CEP192: variants seen among roughly 807,000 people sequenced by gnomAD.
The protein encoded by CEP192 is centrosomal protein 192.
A neutral mutation model predicts 271.8 loss-of-function variants in CEP192; 151 were observed. That is an observed-to-expected ratio of 0.56 (90% CI 0.49 to 0.64). The LOEUF is 0.64. Ranked by LOEUF, CEP192 falls within the 30% of genes least tolerant of loss-of-function variation. The probability of loss-of-function intolerance (pLI) is 0.00; values close to 1 mark genes in which losing one functional copy is unlikely to be tolerated. For synonymous variants in CEP192, 995 were observed against 1,076.5 expected (o/e 0.92, Z 1.48); for missense variants, 2,910 against 3,020.5 (o/e 0.96, Z 0.86).
chr18:13,105,639 T>G (rs2039912966), intron 40 of CEP192, among the ~76,000 whole-genome samples: 1 of 152,232 alleles, frequency 6.6e-6, no homozygotes, highest in African/African-American at 2.4e-5. Context: ...AGCTGTGAAC[T>G]CAGAACTGAC....
chr18:13,098,096 T>G (rs1057207338), intron 36 of CEP192, among the ~76,000 whole-genome samples: 6 of 151,920 alleles, frequency 3.9e-5, no homozygotes, highest in Admixed American at 2.0e-4. Flanking sequence ...TCCCCACCTT[T>G]CCCCCTTTTC....
intron 4 of CEP192, among the ~76,000 whole-genome samples, chr18:13,012,261 A>G (rs1162206232): frequency 1.2e-4 from 18 of 152,228 alleles, no homozygotes; most frequent in Admixed American, 1.2e-3. Flanking sequence ...ACTGAACTGT[A>G]TACCTTAAAA....
Position 13,092,600 on chromosome 18 carries a change from C to T in CEP192, c.6254+73C>T. On this transcript the variant is annotated intron_variant, in intron 34 of 44. Coordinates refer to ENST00000506447, the MANE Select transcript of CEP192 (RefSeq NM_032142.4). ...ATTCATAGCAAAGCTGATCTTTTTT[C>T]CTGTACTTCACTATTATTATTATTT... 15 of 1,058,276 alleles carry T rather than the reference C, an allele frequency of 1.4e-5. No individual in the cohort carries two copies. The South Asian group carries it at 2.2e-4, about 16-fold the overall frequency. 65.6% of individuals were successfully genotyped at this position (1,058,276 alleles called of 1,614,324 possible). A position where few individuals can be genotyped will look rare whatever the true frequency, so the allele number is the denominator to read the frequency against.
At chr18:13,038,274 A>C in intron 12 of CEP192, 96 bp from the exon 13 acceptor site, 4 of 1,044,748 alleles carry the variant, frequency 3.8e-6, no homozygotes, top group Non-Finnish European at 5.5e-6. Context: ...TTACTTTTTA[A>C]ATTTTCTTGG....
chr18:13,042,243 G>T lies in CEP192; in HGVS notation c.1976G>T (p.Gly659Val), dbSNP rs752475527. 6.2e-7 allele frequency: 1 copy of T among 1,612,340 alleles called. No homozygotes were observed. Among genetic ancestry groups the T allele is most frequent in the South Asian group, 1.1e-5 (1 of 91,044 alleles). ...CAGTCCCAGGCACAGCTAAGTGAAG[G>T]ATCAATTACACTTCAGGTTGAAGCA... ...NEQSQAQLSE[G>V]SITLQVEAVE... is the part of the protein sequence containing the mutation. The change falls in exon 15 of 45, where the codon GGA (glycine) becomes GTA (valine). Residue 659 changes from glycine to valine, a missense_variant. Physicochemically the swap from Gly to Val is moderately radical, Grantham distance 109 (BLOSUM62 -3). Transcript: ENST00000506447.
In CEP192 at chr18:13,099,589, T is replaced by C. The variant is rs750415131; in HGVS notation, c.6663+8T>C. ...TGTGACGATGGACAGAAGGTACTTT[T>C]AAAAGTGGTTTGGTTTTTTTTTTGA... On this transcript the variant is annotated splice_region_variant and intron_variant, in intron 37 of 44. Transcript: ENST00000506447. 1.4e-6 allele frequency: 2 copies of C among 1,467,310 alleles called. No individual in the cohort carries two copies. Among genetic ancestry groups the C allele is most frequent in the East Asian group, 2.3e-5 (1 of 43,302 alleles). 90.9% of individuals were successfully genotyped at this position (1,467,310 alleles called of 1,614,324 possible). A position where few individuals can be genotyped will look rare whatever the true frequency, so the allele number is the denominator to read the frequency against.
At chr18:12,995,660 T>C (rs2033182596) in intron 1 of CEP192, among the ~76,000 whole-genome samples, 1 of 152,064 alleles carries the variant, frequency 6.6e-6, no homozygotes. Context: ...AACAAGTGAG[T>C]TACATAGCAT....
At chr18:13,085,493 G>A (rs1263379021) in intron 30 of CEP192, among the ~76,000 whole-genome samples, 1 of 152,200 alleles carries the variant, frequency 6.6e-6, no homozygotes, top group Admixed American at 6.5e-5. Flanking sequence ...GAATGGTATT[G>A]CCTAGGTTTT....
At chr18:13,109,412 A>C (rs1258229920) in intron 40 of CEP192, among the ~76,000 whole-genome samples, 1 of 152,204 alleles carries the variant, frequency 6.6e-6, no homozygotes, top group Non-Finnish European at 1.5e-5. Flanking sequence ...AAAGGGCTGA[A>C]AAATTAACTA....
Position 13,056,717 on chromosome 18 carries a change from A to G in CEP192, c.4108+19A>G, listed in dbSNP as rs2037127816. ...GGATTGGGTAAGATGCTTTTTCTCT[A>G]TTATTATTACTTGCTATTATTTTCT... On this transcript the variant is annotated intron_variant, in intron 19 of 44. Coordinates refer to ENST00000506447, the MANE Select transcript of CEP192 (RefSeq NM_032142.4). 6 of 1,532,384 alleles carry G rather than the reference A, an allele frequency of 3.9e-6. 1 individual carries two copies. Among genetic ancestry groups the G allele is most frequent in the South Asian group, 3.8e-5 (3 of 78,854 alleles). 94.9% of individuals were successfully genotyped at this position (1,532,384 alleles called of 1,614,324 possible).
chr18:13,123,169 AG>A (rs1345917669), intron 44 of CEP192, among the ~76,000 whole-genome samples: 1 of 152,218 alleles, frequency 6.6e-6, no homozygotes, highest in Non-Finnish European at 1.5e-5. Flanking sequence ...CCTCTTAAAT[AG>A]GCAAATGGTA....
Position 13,087,526 on chromosome 18 carries a change from A to G in CEP192, c.5878-5A>G, listed in dbSNP as rs750535992. On this transcript the variant is annotated splice_polypyrimidine_tract_variant and splice_region_variant and intron_variant, in intron 31 of 44. Transcript: ENST00000506447. The stretch of plus-strand genomic sequence containing the variant: ...TTACTCCTGATTTTTTTTTCTTGGC[A>G]TCAGAATGTTACTTTAATATATAAT... 6 of 1,324,986 alleles carry G rather than the reference A, an allele frequency of 4.5e-6. No homozygotes were observed. The highest frequency in any genetic ancestry group is 5.2e-6 in the Non-Finnish European group (5 of 953,218). 82.1% of individuals were successfully genotyped at this position (1,324,986 alleles called of 1,614,324 possible). A position where few individuals can be genotyped will look rare whatever the true frequency, so the allele number is the denominator to read the frequency against.
chr18:13,030,316 A>G (rs2035544258), intron 10 of CEP192, 149 bp from the exon 11 acceptor site: 1 of 677,936 alleles, frequency 1.5e-6, no homozygotes. Context: ...CTTTTGGGGA[A>G]ATGGGTTTTC....
At position 13,068,919 on chromosome 18, in the gene CEP192, G is replaced by A. The variant is rs769083281; in HGVS notation, c.4890G>A (p.Thr1630=). 8 of 1,614,054 alleles carry A rather than the reference G, an allele frequency of 5.0e-6. No individual in the cohort carries two copies. Among genetic ancestry groups the A allele is most frequent in the Admixed American group, 1.7e-5 (1 of 60,018 alleles). The change falls in exon 25 of 45, where the codon ACG becomes ACA. Residue 1630 remains threonine, a synonymous_variant. Transcript: ENST00000506447. ...VDIEVDSPNP[T]PVLRSVSLRA... The stretch of plus-strand genomic sequence containing the variant: ...TCGAAGTTGACAGCCCAAACCCTAC[G>A]CCCGTTCTTAGAAGTGTGAGTCTCC...
Position 13,124,753 on chromosome 18 carries a change from G to A in CEP192, c.7597G>A (p.Ala2533Thr). Residue 2533 changes from alanine to threonine, a missense_variant, in exon 45 of 45, where the codon GCT becomes ACT. Transcript: ENST00000506447. The part of the protein sequence containing the change: ...KSIAIRLIGE[A>T]LGKN ...TATTGCTATTCGACTAATTGGTGAAGCTCTTGGAAAAAATTAACTAGAATA... is the reference window on the plus strand; with the variant it reads ...TATTGCTATTCGACTAATTGGTGAAACTCTTGGAAAAAATTAACTAGAATA... 2 of 1,605,318 alleles carry A rather than the reference G, an allele frequency of 1.2e-6. No individual in the cohort carries two copies. The highest frequency in any genetic ancestry group is 1.7e-6 in the Non-Finnish European group (2 of 1,173,200).
At chr18:13,005,906 A>G (rs2033951708) in intron 3 of CEP192, among the ~76,000 whole-genome samples, 1 of 152,254 alleles carries the variant, frequency 6.6e-6, no homozygotes, top group Non-Finnish European at 1.5e-5. Flanking sequence ...AGATATTGCT[A>G]CATTGTACAT....
chr18:13,052,413 T>C (rs570379517), intron 17 of CEP192, among the ~76,000 whole-genome samples: 21 of 152,326 alleles, frequency 1.4e-4, no homozygotes, highest in Admixed American at 1.0e-3. Flanking sequence ...AGTCTTTATA[T>C]TTATCATTAA....
intron 9 of CEP192, among the ~76,000 whole-genome samples, chr18:13,021,851 G>T (rs566096919): frequency 4.6e-5 from 7 of 152,182 alleles, no homozygotes; most frequent in Non-Finnish European, 1.0e-4. Context: ...AAGTACTTTC[G>T]TCTTTTAGAT....
intron 18 of CEP192, 62 bp downstream of exon 18, chr18:13,053,152 GT>G (rs1317785892): frequency 1.0e-5 from 14 of 1,343,150 alleles, no homozygotes; most frequent in East Asian, 7.0e-5. Context: ...GTTAACAGAT[GT>G]TTGATTCAGA....
Sources: allele counts gnomAD v4.1 joint callset (sites outside exome capture counted in the v4.1 genomes callset), GRCh38; gene constraint gnomAD v4.1.1; transcripts MANE v1.5; gene names NCBI Gene and HGNC (gene_info 2026-07-23, HGNC 2026-07-21).